The following SRGAP3 variants were observed in gnomAD, a reference collection of about 807,000 sequenced individuals.
The protein encoded by SRGAP3 is SLIT-ROBO Rho GTPase activating protein 3.
In SRGAP3, 39 loss-of-function variants were observed where a neutral mutation model predicts 121.1. The observed-to-expected ratio is 0.32, with a 90% CI of 0.25 to 0.42. The LOEUF (loss-of-function observed/expected upper bound fraction) is 0.42. Among genes scored for constraint, SRGAP3 ranks in the 10% least tolerant of loss-of-function variants. SRGAP3 has a pLI of 1.00. For synonymous variants in SRGAP3, 601 were observed against 570.0 expected (o/e 1.05, Z -0.77); for missense variants, 1,213 against 1,470.6 (o/e 0.82, Z 2.86).
At chr3:9,179,501 G>A (rs1040052178) in intron 1 of SRGAP3, among the ~76,000 whole-genome samples, 1 of 152,198 alleles carries the variant, frequency 6.6e-6, no homozygotes, top group Non-Finnish European at 1.5e-5. Flanking sequence ...TGCTGCTGAT[G>A]TTGAAAATGT....
chr3:9,050,502 G>T (rs1034210264), intron 9 of SRGAP3, among the ~76,000 whole-genome samples: 1 of 152,160 alleles, frequency 6.6e-6, no homozygotes, highest in African/African-American at 2.4e-5. Context: ...CCATCAAATT[G>T]CATTGATGTT....
exon 3 of SRGAP3, chr3:9,326,026 G>C (rs946197795): frequency 1.3e-5 from 2 of 151,822 alleles, no homozygotes; most frequent in African/African-American, 4.8e-5. Flanking sequence ...GGTTCCAATA[G>C]GTGTACAGTT....
At chr3:9,276,011 G>T (rs1478572907) in intron 3 of SRGAP3, among the ~76,000 whole-genome samples, 1 of 152,034 alleles carries the variant, frequency 6.6e-6, no homozygotes, top group African/African-American at 2.4e-5. Flanking sequence ...ACAAGCCTGG[G>T]CAACATAGCA....
At chr3:9,118,700 C>CT (rs928999357) in intron 2 of SRGAP3, among the ~76,000 whole-genome samples, 1 of 152,046 alleles carries the variant, frequency 6.6e-6, no homozygotes, top group African/African-American at 2.4e-5. Context: ...GGCCCCCCCC[C>CT]CAAGAAGTTC....
intron 1 of SRGAP3, among the ~76,000 whole-genome samples, chr3:9,347,246 A>G (rs1955907458): frequency 6.6e-6 from 1 of 152,094 alleles, no homozygotes; most frequent in Non-Finnish European, 1.5e-5. Context: ...GCTCACTGCA[A>G]CCTCAATCTT....
At chr3:9,345,128 T>C (rs1452365407) in intron 1 of SRGAP3, among the ~76,000 whole-genome samples, 1 of 152,014 alleles carries the variant, frequency 6.6e-6, no homozygotes, top group Non-Finnish European at 1.5e-5. Context: ...CTTCTACCAG[T>C]AGAATGATCA....
Position 8,983,764 on chromosome 3 carries a change from CT to C in SRGAP3, c.*1754del, listed in dbSNP as rs1941544795. 1 of 230,260 alleles carries C rather than the reference CT, an allele frequency of 4.3e-6. No homozygotes were observed. Among genetic ancestry groups the C allele is most frequent in the East Asian group, 6.2e-5 (1 of 16,208 alleles). 14.3% of individuals were successfully genotyped at this position (230,260 alleles called of 1,614,324 possible). On this transcript the variant is annotated 3_prime_UTR_variant, in exon 22 of 22. Coordinates refer to ENST00000383836, the MANE Select transcript of SRGAP3 (RefSeq NM_014850.4). ...CACAGCTTGCTCACTGATGTTTGACCTTTATTACCCTATTTTATGGAGCAGA... is the reference window on the plus strand; with the variant it reads ...CACAGCTTGCTCACTGATGTTTGACCTTATTACCCTATTTTATGGAGCAGA...
chr3:9,261,267 T>C (rs1352724766), intron 3 of SRGAP3, among the ~76,000 whole-genome samples: 1 of 151,724 alleles, frequency 6.6e-6, no homozygotes, highest in African/African-American at 2.4e-5. Context: ...AGGCTGAAAA[T>C]TCCAAAAACC....
intron 17 of SRGAP3, 72 bp downstream of exon 17, chr3:9,013,236 G>T: frequency 1.4e-6 from 2 of 1,450,714 alleles, no homozygotes; most frequent in Non-Finnish European, 1.9e-6. Flanking sequence ...AAACTGAAGG[G>T]TTTCTTATTG....
At chr3:9,209,923 C>T (rs1449571760) in intron 1 of SRGAP3, among the ~76,000 whole-genome samples, 2 of 152,086 alleles carry the variant, frequency 1.3e-5, no homozygotes, top group African/African-American at 4.8e-5. Flanking sequence ...GTGCGATAAA[C>T]CAAATGTGCT....
chr3:9,106,348 C>G (rs1173487699), intron 2 of SRGAP3, among the ~76,000 whole-genome samples: 2 of 152,156 alleles, frequency 1.3e-5, no homozygotes, highest in Non-Finnish European at 2.9e-5. Context: ...GGGGAGAGGC[C>G]CTTCCACCAC....
intron 1 of SRGAP3, among the ~76,000 whole-genome samples, chr3:9,185,374 A>T (rs567523676): frequency 6.6e-5 from 10 of 152,286 alleles, no homozygotes; most frequent in African/African-American, 2.4e-4. Context: ...AGGGAGGATC[A>T]TGACTGGAGT....
intron 2 of SRGAP3, among the ~76,000 whole-genome samples, chr3:9,123,698 C>G (rs190095254): frequency 4.3e-4 from 62 of 145,552 alleles, no homozygotes; most frequent in Non-Finnish European, 8.9e-5. Flanking sequence ...GAGTGAGACT[C>G]TGTCTCAAAA....
intron 1 of SRGAP3, among the ~76,000 whole-genome samples, chr3:9,181,214 G>A (rs192089460): frequency 1.1e-4 from 17 of 152,312 alleles, no homozygotes; most frequent in Admixed American, 4.6e-4. Flanking sequence ...CTGCACAGGT[G>A]GGTGGCATTA....
chr3:9,216,446 C>T (rs866562059), intron 1 of SRGAP3, among the ~76,000 whole-genome samples: 7 of 152,202 alleles, frequency 4.6e-5, no homozygotes, highest in African/African-American at 1.7e-4. Context: ...CAGCCACAGC[C>T]CGGTCCTCTC....
rs758543768 is a variant in SRGAP3, at chr3:9,013,724, G to C, written c.1919+13C>G. The C allele has an allele frequency of 6.2e-7, 1 of 1,613,882 alleles. No homozygotes were observed. Among genetic ancestry groups the C allele is most frequent in the Non-Finnish European group, 8.5e-7 (1 of 1,179,798 alleles). On this transcript the variant is annotated intron_variant, in intron 16 of 21. Coordinates refer to ENST00000383836, the MANE Select transcript of SRGAP3 (RefSeq NM_014850.4). ...GCCTGAGTCAAAAAGGGGCCCCTTGGCCAGACACTCACTGGTTGAGGAAAG... is the reference window on the plus strand; with the variant it reads ...GCCTGAGTCAAAAAGGGGCCCCTTGCCCAGACACTCACTGGTTGAGGAAAG...
chr3:9,004,064 T>C (rs1185282779), intron 18 of SRGAP3, among the ~76,000 whole-genome samples: 3 of 152,196 alleles, frequency 2.0e-5, no homozygotes, highest in Non-Finnish European at 2.9e-5. Flanking sequence ...AAGAGCAGTA[T>C]AGTAAAATCA....
At chr3:9,285,988 C>T (rs965044475) in intron 3 of SRGAP3, among the ~76,000 whole-genome samples, 1 of 151,756 alleles carries the variant, frequency 6.6e-6, no homozygotes, top group Non-Finnish European at 1.5e-5. Context: ...TGACGTGCAC[C>T]TGTAGTCCCA....
At chr3:9,137,815 A>C (rs531014668) in intron 1 of SRGAP3, among the ~76,000 whole-genome samples, 3 of 152,362 alleles carry the variant, frequency 2.0e-5, no homozygotes, top group African/African-American at 7.2e-5. Context: ...TCCCATGAAG[A>C]AGTCAGACAG....
Sources: allele counts gnomAD v4.1 joint callset (sites outside exome capture counted in the v4.1 genomes callset), GRCh38; gene constraint gnomAD v4.1.1; transcripts MANE v1.5; gene names NCBI Gene and HGNC (gene_info 2026-07-23, HGNC 2026-07-21).